CAMTA1: variants seen among roughly 807,000 people sequenced by gnomAD.
CAMTA1 encodes the protein calmodulin-binding transcription activator 1.
A neutral mutation model predicts 170.9 loss-of-function variants in CAMTA1; 27 were observed. The observed-to-expected ratio is 0.16, with a 90% CI of 0.12 to 0.22. The LOEUF is 0.22. Ranked by LOEUF, CAMTA1 falls within the 10% of genes least tolerant of loss-of-function variation. The pLI is 1.00. For synonymous variants in CAMTA1, 833 were observed against 891.5 expected, an observed-to-expected ratio of 0.93 and a Z score of 1.17; for missense variants, 1,619 against 2,217.2, an observed-to-expected ratio of 0.73 and a Z score of 5.42.
intron 5 of CAMTA1, among the ~76,000 whole-genome samples, chr1:7,344,949 C>T (rs2084119736): frequency 6.6e-6 from 1 of 152,018 alleles, no homozygotes; most frequent in Non-Finnish European, 1.5e-5. Flanking sequence ...GACGGGGTTT[C>T]ACCGTGTTAG....
intron 6 of CAMTA1, among the ~76,000 whole-genome samples, chr1:7,551,826 G>T (rs1249153293): frequency 6.6e-6 from 1 of 152,168 alleles, no homozygotes; most frequent in African/African-American, 2.4e-5. Flanking sequence ...CCCAGGGGTA[G>T]AAGGACACCT....
intron 4 of CAMTA1, among the ~76,000 whole-genome samples, chr1:7,096,262 C>T (rs1158465881): frequency 1.3e-5 from 2 of 152,172 alleles, no homozygotes; most frequent in Non-Finnish European, 2.9e-5. Flanking sequence ...CTCCTGGTTT[C>T]CTGACCCCAT....
intron 6 of CAMTA1, among the ~76,000 whole-genome samples, chr1:7,549,651 A>G (rs1049276309): frequency 1.3e-5 from 2 of 152,200 alleles, no homozygotes; most frequent in African/African-American, 4.8e-5. Context: ...CAATCAGACA[A>G]TGTCCTCAAG....
intron 7 of CAMTA1, among the ~76,000 whole-genome samples, chr1:7,652,087 G>A (rs941213115): frequency 4.6e-5 from 7 of 151,942 alleles, no homozygotes; most frequent in Admixed American, 2.6e-4. Flanking sequence ...CCCTGTCGTG[G>A]AGCCAAGCAT....
intron 3 of CAMTA1, among the ~76,000 whole-genome samples, chr1:6,899,591 C>G (rs1676487183): frequency 6.7e-6 from 1 of 149,752 alleles, no homozygotes; most frequent in African/African-American, 2.5e-5. Context: ...CACACACACA[C>G]ACAGAGTTTC....
At position 7,744,958 on chromosome 1, in the gene CAMTA1, A is replaced by T; in HGVS notation, c.4306A>T (p.Thr1436Ser). 2 of 1,614,212 alleles carry T rather than the reference A, an allele frequency of 1.2e-6. No individual in the cohort carries two copies. The highest frequency in any genetic ancestry group is 8.5e-7 in the Non-Finnish European group (1 of 1,180,038). ...ERTDPATISS[T>S]MSWLASYLAD... ...AACAGACCCTGCCACCATTAGCAGT[A>T]CAATGAGCTGGCTGGCCAGTTATCT... The change falls in exon 17 of 23, where the codon ACA (threonine) becomes TCA (serine). Residue 1436 changes from threonine to serine, a missense_variant. Transcript: ENST00000303635.
chr1:7,524,930 C>A (rs181523094), intron 6 of CAMTA1, among the ~76,000 whole-genome samples: 21 of 152,284 alleles, frequency 1.4e-4, no homozygotes, highest in African/African-American at 4.6e-4. Flanking sequence ...GGAACCCTGA[C>A]AAACCAGTGT....
At chr1:7,480,341 ATG>A (rs938031330) in intron 6 of CAMTA1, among the ~76,000 whole-genome samples, 4 of 141,376 alleles carry the variant, frequency 2.8e-5, no homozygotes, top group Non-Finnish European at 6.2e-5. Flanking sequence ...GTGCATGTAT[ATG>A]TGCATGTGTG....
rs1392115794 is a variant in CAMTA1, at chr1:7,641,643, G to C, written c.664+1090G>C. On this transcript the variant is annotated intron_variant, in intron 7 of 22. Transcript: ENST00000303635. This position sits in a 1 kb window ranked among gnomAD's most constrained non-coding sequence, Gnocchi z 4.5. ...AGGGTCAGGAGGGACAGAGGGGTCT[G>C]TGTGGCAAGGGAGGCCCCCCAGTGG... 1.3e-5 allele frequency among the ~76,000 whole-genome samples: 2 copies of C among 152,110 alleles called. No individual in the cohort carries two copies. Among genetic ancestry groups the C allele is most frequent in the African/African-American group, 2.4e-5 (1 of 41,412 alleles).
intron 3 of CAMTA1, among the ~76,000 whole-genome samples, chr1:6,997,646 CCTTTCTTTT>C (rs1175189334): frequency 5.8e-5 from 8 of 137,244 alleles, no homozygotes; most frequent in Non-Finnish European, 9.5e-5. Flanking sequence ...TTCCATATTT[CCTTTCTTTT>C]CTTTCTTTTT....
At chr1:7,087,660 G>A (rs919384046) in intron 3 of CAMTA1, among the ~76,000 whole-genome samples, 3 of 152,198 alleles carry the variant, frequency 2.0e-5, no homozygotes, top group Non-Finnish European at 4.4e-5. Context: ...CCTTAGGCAA[G>A]TCACTTAACC....
At chr1:7,425,289 C>T (rs559990816) in intron 5 of CAMTA1, among the ~76,000 whole-genome samples, 3 of 152,256 alleles carry the variant, frequency 2.0e-5, no homozygotes, top group Non-Finnish European at 2.9e-5. Context: ...TGCAGGTGGC[C>T]CTTCCATGGT....
chr1:6,971,175 A>T lies in CAMTA1; in HGVS notation c.235-120129A>T, dbSNP rs1222009174. ...AAGTAATTAACAGAGTGAGCATGAGACGTTCCTGCTGGAGAAGAGCACACG... is the reference window on the plus strand; with the variant it reads ...AAGTAATTAACAGAGTGAGCATGAGTCGTTCCTGCTGGAGAAGAGCACACG... On this transcript the variant is annotated intron_variant, in intron 3 of 22. Transcript: ENST00000303635. The surrounding 1 kb of genome is among the most constrained non-coding windows in gnomAD (Gnocchi z 4.6). Among the ~76,000 whole-genome samples, 1 of 152,148 alleles carries T rather than the reference A, an allele frequency of 6.6e-6. No individual in the cohort carries two copies. The highest frequency in any genetic ancestry group is 6.6e-5 in the Admixed American group (1 of 15,264).
chr1:7,175,156 G>T (rs1650526457), intron 4 of CAMTA1, among the ~76,000 whole-genome samples: 1 of 152,130 alleles, frequency 6.6e-6, no homozygotes, highest in Admixed American at 6.5e-5. Flanking sequence ...GCACACACTT[G>T]GATGTTGGCA....
chr1:7,393,593 A>C (rs1209899123), intron 5 of CAMTA1, among the ~76,000 whole-genome samples: 1 of 152,076 alleles, frequency 6.6e-6, no homozygotes, highest in Non-Finnish European at 1.5e-5. Context: ...GGATAATTGT[A>C]CATGTTTATG....
chr1:6,844,148 T>C (rs547169178), intron 3 of CAMTA1, among the ~76,000 whole-genome samples: 1 of 152,174 alleles, frequency 6.6e-6, no homozygotes, highest in South Asian at 2.1e-4. Context: ...TCAGAATATA[T>C]ATTGTTTGAT....
chr1:6,937,821 A>T (rs1031330805), intron 3 of CAMTA1, among the ~76,000 whole-genome samples: 6 of 118,456 alleles, frequency 5.1e-5, no homozygotes, highest in African/African-American at 1.8e-4. Flanking sequence ...TGTCATCACT[A>T]CCATAACCAT....
intron 3 of CAMTA1, among the ~76,000 whole-genome samples, chr1:6,962,177 T>A (rs1690544453): frequency 6.6e-6 from 1 of 152,180 alleles, no homozygotes; most frequent in African/African-American, 2.4e-5. Flanking sequence ...GAGTGCCAGA[T>A]ACATGGTGGA....
intron 3 of CAMTA1, among the ~76,000 whole-genome samples, chr1:7,069,927 C>T (rs558106823): frequency 1.5e-4 from 23 of 152,326 alleles, no homozygotes; most frequent in African/African-American, 5.3e-4. Context: ...CTTATAAAGC[C>T]CGGCACCAGC....
Sources: gnomAD v4.1 joint callset for allele counts (sites outside exome capture counted in the v4.1 genomes callset) on GRCh38, gnomAD v4.1.1 for gene constraint, Gnocchi (gnomAD v3.1) non-coding constraint, MANE v1.5 for transcripts, NCBI Gene and HGNC (gene_info 2026-07-23, HGNC 2026-07-21) for gene names.